Variants in CNTN4 observed in about 807,000 individuals in gnomAD.
CNTN4 encodes contactin 4.
In CNTN4, 77 loss-of-function variants were observed where a neutral mutation model predicts 122.5. The observed-to-expected ratio is 0.63, with a 90% CI of 0.52 to 0.76. The LOEUF (loss-of-function observed/expected upper bound fraction) is 0.76. CNTN4 is among the 30% of genes least tolerant of loss of function. The pLI, the probability that CNTN4 is intolerant of heterozygous loss-of-function variation, is 0.00. For missense variants in CNTN4, 1,256 were observed against 1,259.1 expected, an observed-to-expected ratio of 1.00 and a Z score of 0.04; for synonymous variants, 512 against 447.0, an observed-to-expected ratio of 1.15 and a Z score of -1.83.
Position 2,754,754 on chromosome 3 carries a change from AAAAAG to A in CNTN4, c.358+9067_358+9071del, listed in dbSNP as rs372777251. On this transcript the variant is annotated intron_variant, in intron 6 of 24. Transcript: ENST00000418658. ...TGTTGCGGAATGAAGTGAAAAAAAA[AAAAAG>A]AAAAGAAAAAATTTTAAAAAGAGAG... Among the ~76,000 whole-genome samples, 835 of 152,162 alleles carry A rather than the reference AAAAAG, an allele frequency of 5.5e-3. 12 individuals carry two copies. The highest frequency in any genetic ancestry group is 0.05 in the East Asian group (260 of 5,182).
intron 13 of CNTN4, among the ~76,000 whole-genome samples, chr3:2,943,273 T>A (rs903239379): frequency 6.6e-6 from 1 of 152,136 alleles, no homozygotes; most frequent in Non-Finnish European, 1.5e-5. Flanking sequence ...CCTGATGTAT[T>A]TTTCCACAGG....
chr3:2,709,482 T>A lies in CNTN4; in HGVS notation c.56-26733T>A, dbSNP rs1045904531. On this transcript the variant is annotated intron_variant, in intron 4 of 24. Transcript: ENST00000418658. The surrounding 1 kb of genome is among the most constrained non-coding windows in gnomAD (Gnocchi z 5.0). ...GGGGATGGGAACTACTGAAACCTAA[T>A]CCCCGCAATTACAGGGTTTTATATC... Among the ~76,000 whole-genome samples, 1 of 152,192 alleles carries A rather than the reference T, an allele frequency of 6.6e-6. No homozygotes were observed. The highest frequency in any genetic ancestry group is 1.5e-5 in the Non-Finnish European group (1 of 68,004).
chr3:2,225,347 T>A (rs545961835), intron 2 of CNTN4, among the ~76,000 whole-genome samples: 33 of 151,052 alleles, frequency 2.2e-4, no homozygotes, highest in African/African-American at 8.0e-4. Flanking sequence ...ACCCCCTCTC[T>A]ACTAAAAATA....
chr3:2,529,415 G>T (rs578026248), intron 3 of CNTN4, among the ~76,000 whole-genome samples: 107 of 152,174 alleles, frequency 7.0e-4, no homozygotes, highest in African/African-American at 2.3e-3. Flanking sequence ...AACAAATATG[G>T]TAGTGCAGAC....
At chr3:2,342,906 A>G (rs990582760) in intron 3 of CNTN4, among the ~76,000 whole-genome samples, 2 of 152,244 alleles carry the variant, frequency 1.3e-5, no homozygotes, top group Non-Finnish European at 2.9e-5. Context: ...GTAGATTAAT[A>G]GTTTCCAGAA....
chr3:2,954,235 C>G (rs2094775789), intron 13 of CNTN4, among the ~76,000 whole-genome samples: 1 of 152,126 alleles, frequency 6.6e-6, no homozygotes, highest in African/African-American at 2.4e-5. Context: ...TTATGTCAGC[C>G]TGTCCTCAGG....
intron 14 of CNTN4, among the ~76,000 whole-genome samples, chr3:3,014,879 G>GTTTTT (rs5846238): frequency 1.4e-4 from 17 of 121,544 alleles, no homozygotes; most frequent in South Asian, 2.8e-4. Context: ...CCCTCGATTG[G>GTTTTT]TTTTTTTTTT....
intron 4 of CNTN4, among the ~76,000 whole-genome samples, chr3:2,626,578 A>G (rs1365570082): frequency 6.6e-6 from 1 of 152,168 alleles, no homozygotes; most frequent in African/African-American, 2.4e-5. Flanking sequence ...ATCCCCTTAT[A>G]TCATTTAAGA....
At chr3:2,531,037 T>C (rs970739349) in intron 3 of CNTN4, among the ~76,000 whole-genome samples, 1 of 152,178 alleles carries the variant, frequency 6.6e-6, no homozygotes, top group Non-Finnish European at 1.5e-5. Flanking sequence ...CTATCTCTAC[T>C]AACAGAAGTG....
intron 3 of CNTN4, among the ~76,000 whole-genome samples, chr3:2,478,722 T>C (rs1290710487): frequency 6.6e-6 from 1 of 152,200 alleles, no homozygotes; most frequent in Non-Finnish European, 1.5e-5. Context: ...CTAAGGATAA[T>C]GGTCTCCAGC....
At chr3:2,122,852 G>C (rs2033892896) in intron 2 of CNTN4, among the ~76,000 whole-genome samples, 1 of 152,156 alleles carries the variant, frequency 6.6e-6, no homozygotes, top group African/African-American at 2.4e-5. Flanking sequence ...AGGTAAAACA[G>C]CTTATGTTAG....
At position 3,053,799 on chromosome 3, in the gene CNTN4, A is replaced by G. The variant is rs1701514129; in HGVS notation, c.2812-8A>G. ...GGCAGGTGACACCTGTTCTTTCTGT[A>G]TTGGCAGGTCTTGTACAGATGGAAC... On this transcript the variant is annotated splice_region_variant and splice_polypyrimidine_tract_variant and intron_variant, in intron 23 of 24. Transcript: ENST00000418658. 1.2e-6 allele frequency: 2 copies of G among 1,614,076 alleles called. No individual in the cohort carries two copies. Among genetic ancestry groups the G allele is most frequent in the Non-Finnish European group, 1.7e-6 (2 of 1,179,930 alleles).
Position 2,930,778 on chromosome 3 carries a change from T to G in CNTN4, c.1358+4999T>G, listed in dbSNP as rs138545508. ...CCATGGATGCAGCACTCACTGGGTA[T>G]TTACCTTTGCTTAGCACTAGAGAGA... On this transcript the variant is annotated intron_variant, in intron 13 of 24. Transcript: ENST00000418658. Among the ~76,000 whole-genome samples, 11 of 152,268 alleles carry G rather than the reference T, an allele frequency of 7.2e-5. No individual in the cohort carries two copies. The East Asian group carries it at 2.1e-3, about 29-fold the overall frequency.
At chr3:2,479,516 C>T (rs987575754) in intron 3 of CNTN4, among the ~76,000 whole-genome samples, 5 of 152,024 alleles carry the variant, frequency 3.3e-5, no homozygotes, top group African/African-American at 9.7e-5. Flanking sequence ...GAAACTTAAG[C>T]GGGGAAGGGA....
At chr3:2,926,506 T>A (rs2094474933) in intron 13 of CNTN4, among the ~76,000 whole-genome samples, 1 of 152,220 alleles carries the variant, frequency 6.6e-6, no homozygotes, top group South Asian at 2.1e-4. Context: ...CCTACCTTTT[T>A]CTATAATCTA....
chr3:2,351,904 A>G (rs2044642109), intron 3 of CNTN4, among the ~76,000 whole-genome samples: 1 of 152,198 alleles, frequency 6.6e-6, no homozygotes, highest in African/African-American at 2.4e-5. Context: ...GATCTACTGC[A>G]TAGCAAGGTG....
intron 3 of CNTN4, among the ~76,000 whole-genome samples, chr3:2,462,767 C>A (rs948597005): frequency 2.6e-5 from 4 of 152,182 alleles, no homozygotes; most frequent in African/African-American, 9.6e-5. Flanking sequence ...CATTTGGTTA[C>A]TTACTGGCTA....
chr3:2,586,937 C>T (rs1203073178), intron 4 of CNTN4, among the ~76,000 whole-genome samples: 18 of 152,138 alleles, frequency 1.2e-4, no homozygotes, highest in Admixed American at 1.0e-3. Flanking sequence ...TTTCTCCCTT[C>T]CTCCTTCCCT....
At chr3:3,034,029 C>T (rs192142475) in intron 16 of CNTN4, among the ~76,000 whole-genome samples, 19 of 152,330 alleles carry the variant, frequency 1.2e-4, no homozygotes, top group Non-Finnish European at 2.4e-4. Context: ...GCCATTTTCA[C>T]AGCAGTTCCC....
Sources: gnomAD v4.1 joint callset for allele counts (sites outside exome capture counted in the v4.1 genomes callset) on GRCh38, gnomAD v4.1.1 for gene constraint, Gnocchi (gnomAD v3.1) non-coding constraint, MANE v1.5 for transcripts, NCBI Gene and HGNC (gene_info 2026-07-23, HGNC 2026-07-21) for gene names.